TMEM108: variants seen among roughly 807,000 people sequenced by gnomAD.
The protein encoded by TMEM108 is cancer/testis antigen 124.
In TMEM108, 12 loss-of-function variants were observed where a neutral mutation model predicts 35.1. The observed-to-expected ratio is 0.34, with a 90% confidence interval of 0.22 to 0.55. The LOEUF is 0.55. TMEM108 is among the 20% of genes least tolerant of loss of function. TMEM108 has a pLI of 0.89. For missense variants in TMEM108, 680 were observed against 753.3 expected (o/e 0.90, Z 1.14); for synonymous variants, 287 against 308.6 (o/e 0.93, Z 0.73).
At chr3:133,264,974 C>T (rs1946676261) in intron 3 of TMEM108, among the ~76,000 whole-genome samples, 1 of 152,198 alleles carries the variant, frequency 6.6e-6, no homozygotes, top group South Asian at 2.1e-4. Context: ...CAAGGACACA[C>T]TCCACTGTAG....
At chr3:133,201,806 G>A (rs546896407) in intron 2 of TMEM108, among the ~76,000 whole-genome samples, 1 of 152,238 alleles carries the variant, frequency 6.6e-6, no homozygotes, top group African/African-American at 2.4e-5. Flanking sequence ...AATACTGTGG[G>A]TATATACCCA....
chr3:133,123,471 G>C (rs949635202), intron 2 of TMEM108, among the ~76,000 whole-genome samples: 3 of 152,148 alleles, frequency 2.0e-5, no homozygotes, highest in Admixed American at 6.5e-5. Flanking sequence ...GAAGAATGTC[G>C]TGTTTCTCCA....
Position 133,193,431 on chromosome 3 carries a change from A to AT in TMEM108, c.-46-35826dup, listed in dbSNP as rs969209153. ...AAGGCTAATTTTTAAGAAACTCTAC[A>AT]TTTTTTTTTATCTTGTAGGAAGAAG... On this transcript the variant is annotated intron_variant, in intron 2 of 5. Transcript: ENST00000321871. Among the ~76,000 whole-genome samples the AT allele has an allele frequency of 5.9e-5, 9 of 151,624 alleles. No homozygotes were observed. In the South Asian group the frequency reaches 6.3e-4, roughly 11 times the overall value.
chr3:133,319,137 G>T (rs1032409687), intron 3 of TMEM108, among the ~76,000 whole-genome samples: 1 of 151,952 alleles, frequency 6.6e-6, no homozygotes, highest in African/African-American at 2.4e-5. Context: ...ACATAACCCC[G>T]TTGGCCCAAG....
chr3:133,168,878 G>A (rs1384901667), intron 2 of TMEM108, among the ~76,000 whole-genome samples: 2 of 152,080 alleles, frequency 1.3e-5, no homozygotes, highest in Admixed American at 6.6e-5. Flanking sequence ...AACCCACCGG[G>A]AGGAAGGAAC....
Position 133,120,155 on chromosome 3 carries a change from T to C in TMEM108, c.-47+74135T>C, listed in dbSNP as rs142294432. On this transcript the variant is annotated intron_variant, in intron 2 of 5. Transcript: ENST00000321871. The stretch of plus-strand genomic sequence containing the variant: ...CTTCTGTACCATGCTTGAGATACAG[T>C]GAATACTAAGTATTTAATGAATTAA... Among the ~76,000 whole-genome samples the C allele has an allele frequency of 3.0e-3, 457 of 152,362 alleles. 4 individuals carry two copies. The highest frequency in any genetic ancestry group is 0.011 in the African/African-American group (437 of 41,584).
chr3:133,332,094 A>G (rs1002379644), intron 3 of TMEM108, among the ~76,000 whole-genome samples: 13 of 139,554 alleles, frequency 9.3e-5, no homozygotes, highest in South Asian at 2.3e-4. Flanking sequence ...ACACACACAC[A>G]CACACACACA....
chr3:133,357,853 A>T (rs1038603220), intron 3 of TMEM108, among the ~76,000 whole-genome samples: 1 of 152,172 alleles, frequency 6.6e-6, no homozygotes, highest in Admixed American at 6.6e-5. Context: ...CGGGTGGCAG[A>T]TGCACTAAAA....
chr3:133,261,644 T>G (rs1239960782), intron 3 of TMEM108, among the ~76,000 whole-genome samples: 1 of 152,240 alleles, frequency 6.6e-6, no homozygotes, highest in Non-Finnish European at 1.5e-5. Flanking sequence ...AATTTATCAT[T>G]GAATATTTCC....
chr3:133,074,288 A>G (rs966704267), intron 2 of TMEM108: 2 of 152,126 alleles, frequency 1.3e-5, no homozygotes, highest in East Asian at 3.9e-4. Context: ...CCAACAAGCA[A>G]TCATTTTAAT....
chr3:133,145,771 G>T (rs1385451792), intron 2 of TMEM108, among the ~76,000 whole-genome samples: 1 of 152,040 alleles, frequency 6.6e-6, no homozygotes, highest in Non-Finnish European at 1.5e-5. Flanking sequence ...CTGTTTGTCT[G>T]TTATTGGTGT....
intron 2 of TMEM108, among the ~76,000 whole-genome samples, chr3:133,154,160 T>C (rs1944842495): frequency 6.6e-6 from 1 of 152,140 alleles, no homozygotes; most frequent in African/African-American, 2.4e-5. Context: ...TGTAAATTTG[T>C]TTGAGTTCAT....
intron 2 of TMEM108, among the ~76,000 whole-genome samples, chr3:133,109,310 T>G (rs1009779432): frequency 1.3e-5 from 2 of 152,144 alleles, no homozygotes; most frequent in Non-Finnish European, 2.9e-5. Flanking sequence ...AACTTGTGAT[T>G]CCTTTTATGA....
intron 2 of TMEM108, among the ~76,000 whole-genome samples, chr3:133,223,061 T>C (rs1946016001): frequency 6.6e-6 from 1 of 152,200 alleles, no homozygotes; most frequent in Non-Finnish European, 1.5e-5. Context: ...TTGAATTCTT[T>C]GTTAGGCAGT....
chr3:133,389,194 C>T (rs1043906007), intron 4 of TMEM108: 1 of 985,646 alleles, frequency 1.0e-6, no homozygotes, highest in Non-Finnish European at 1.2e-6. Context: ...TCCCTGCTCA[C>T]AAGCCACTCA....
intron 4 of TMEM108, among the ~76,000 whole-genome samples, chr3:133,385,043 G>C (rs1266975396): frequency 6.6e-6 from 1 of 152,216 alleles, no homozygotes; most frequent in Middle Eastern, 3.2e-3. Context: ...AGCATTCAAA[G>C]AGGTCACATA....
At chr3:133,394,317 T>C (rs531520261) in intron 5 of TMEM108, among the ~76,000 whole-genome samples, 1 of 152,366 alleles carries the variant, frequency 6.6e-6, no homozygotes, top group East Asian at 1.9e-4. Context: ...CACTGCTGTG[T>C]TGATGCAAGC....
At position 133,356,536 on chromosome 3, in the gene TMEM108, C is replaced by T. The variant is rs141084296; in HGVS notation, c.41-23216C>T. Among the ~76,000 whole-genome samples, 13 of 152,252 alleles carry T rather than the reference C, an allele frequency of 8.5e-5. No individual in the cohort carries two copies. The East Asian group carries it at 2.5e-3, about 29-fold the overall frequency. On this transcript the variant is annotated intron_variant, in intron 3 of 5. Coordinates refer to ENST00000321871, the MANE Select transcript of TMEM108 (RefSeq NM_023943.4). ...TCAAAGCAATACTAAGCAAAAAGAA[C>T]AGATCTGGAGACATCACATTACCAA...
At chr3:133,059,313 T>G (rs144604511) in intron 2 of TMEM108, among the ~76,000 whole-genome samples, 28 of 152,370 alleles carry the variant, frequency 1.8e-4, no homozygotes, top group African/African-American at 6.7e-4. Flanking sequence ...TTACCATTCT[T>G]ATATATTTTT....
Sources: gnomAD v4.1 joint callset for allele counts (sites outside exome capture counted in the v4.1 genomes callset) on GRCh38, gnomAD v4.1.1 for gene constraint, MANE v1.5 for transcripts, NCBI Gene and HGNC (gene_info 2026-07-23, HGNC 2026-07-21) for gene names.